PTCH2: variants seen among roughly 807,000 people sequenced by gnomAD.
The protein encoded by PTCH2 is protein patched homolog 2.
Under a neutral mutation model 117.9 loss-of-function variants are expected in PTCH2, and 96 were observed. The ratio of observed to expected loss-of-function variants is 0.81; its 90% CI spans 0.69 to 0.96. The LOEUF (loss-of-function observed/expected upper bound fraction) is 0.96, where lower values mean the gene tolerates loss of function less well. PTCH2 is among the 50% of genes least tolerant of loss of function. The pLI, the probability that PTCH2 is intolerant of heterozygous loss-of-function variation, is 0.00. For missense variants in PTCH2, 1,379 were observed against 1,562.5 expected (o/e 0.88, Z 1.98); for synonymous variants, 615 against 660.9 (o/e 0.93, Z 1.06).
Position 44,826,541 on chromosome 1 carries a change from T to C in PTCH2, c.2923A>G (p.Thr975Ala). The change falls in exon 18 of 22, where the codon ACT (threonine) becomes GCT (alanine). Residue 975 changes from threonine (T) to alanine (A), a missense_variant. Transcript: ENST00000372192. This position sits in a 1 kb window ranked among gnomAD's most constrained non-coding sequence, Gnocchi z 5.1. ...AGCAGCAGAGCACAGACGAGGAAAG[T>C]GCACACCAGCAGGATGCAGACGGCC... is the stretch of plus-strand genomic sequence containing the variant. ...LLAVCILLVCTFLVCALLLLN... is the reference protein window; with the variant it reads ...LLAVCILLVCAFLVCALLLLN... The C allele has an allele frequency of 1.2e-6, 2 of 1,613,578 alleles. No individual in the cohort carries two copies. The highest frequency in any genetic ancestry group is 1.1e-5 in the South Asian group (1 of 91,068).
At chr1:44,822,947 G>C in intron 21 of PTCH2, 122 bp downstream of exon 21, 1 of 1,155,154 alleles carries the variant, frequency 8.7e-7, no homozygotes, top group Non-Finnish European at 1.3e-6. Context: ...GCCACCTTCA[G>C]CTGGTGGCAC....
At chr1:44,842,184 A>AG (rs1653976418) in intron 1 of PTCH2, 145 bp from the exon 2 acceptor site, 1 of 749,972 alleles carries the variant, frequency 1.3e-6, no homozygotes, top group African/African-American at 1.7e-5. Context: ...ACACAGGCCC[A>AG]GACTTGGAAG....
Position 44,828,362 on chromosome 1 carries a change from G to A in PTCH2, c.1643C>T (p.Ala548Val), listed in dbSNP as rs777688919. ...CCGCCGTAGGTCCAGGCTGAGGATG[G>A]CTGGGAAGACAAGCATCACGGCTAC... is the stretch of plus-strand genomic sequence containing the variant. ...TFVAVMLVFPAILSLDLRRRH... is the reference protein window; with the variant it reads ...TFVAVMLVFPVILSLDLRRRH... The change falls in exon 13 of 22, where the codon GCC becomes GTC. Residue 548 changes from alanine (A) to valine (V), a missense_variant. Coordinates refer to ENST00000372192, the MANE Select transcript of PTCH2 (RefSeq NM_003738.5). 1 of 1,614,194 alleles carries A rather than the reference G, an allele frequency of 6.2e-7. No individual in the cohort carries two copies.
chr1:44,839,974 G>A (rs1031819629), intron 2 of PTCH2, among the ~76,000 whole-genome samples: 1 of 152,062 alleles, frequency 6.6e-6, no homozygotes, highest in African/African-American at 2.4e-5. Flanking sequence ...CTGCCTTTGG[G>A]TATGGGCCAG....
Position 44,827,336 on chromosome 1 carries a change from T to A in PTCH2, c.2372-27A>T, listed in dbSNP as rs748331674. 4 of 1,613,666 alleles carry A rather than the reference T, an allele frequency of 2.5e-6. No individual in the cohort carries two copies. The South Asian group carries it at 4.4e-5, about 18-fold the overall frequency. On this transcript the variant is annotated intron_variant, in intron 15 of 21. Coordinates refer to ENST00000372192, the MANE Select transcript of PTCH2 (RefSeq NM_003738.5). ...TGGGGGAGACCAGGATAGGGTTCTA[T>A]TAGCTGGTGGCCCCAGGGCGTTTCT... is the stretch of plus-strand genomic sequence containing the variant.
At chr1:44,821,875 T>C (rs188202323), downstream of PTCH2, 51 of 1,365,606 alleles carry the variant, frequency 3.7e-5, no homozygotes, top group African/African-American at 7.2e-4. Flanking sequence ...CTCCTTCCAA[T>C]AGCTAATGTT....
At chr1:44,840,706 C>T (rs1343089610) in intron 2 of PTCH2, among the ~76,000 whole-genome samples, 1 of 151,078 alleles carries the variant, frequency 6.6e-6, no homozygotes, top group Non-Finnish European at 1.5e-5. Flanking sequence ...GAGTGAGACT[C>T]TGTCTCAAAA....
Position 44,823,109 on chromosome 1 carries a change from A to G in PTCH2, c.3317T>C (p.Leu1106Pro). ...CAGGATGGACAGCAGCACAGGCAGCAGCACGAGTCCATGGAGGAGGCCCAG... is the reference window on the plus strand; with the variant it reads ...CAGGATGGACAGCAGCACAGGCAGCGGCACGAGTCCATGGAGGAGGCCCAG... Reference protein sequence around the residue: ...TLLGLLHGLVLLPVLLSILGP... With the variant: ...TLLGLLHGLVPLPVLLSILGP... Residue 1106 changes from leucine to proline, a missense_variant, in exon 21 of 22, where the codon CTG becomes CCG. By Grantham distance (98) the Leu-to-Pro change is moderately conservative. Transcript: ENST00000372192. This position sits in a 1 kb window ranked among gnomAD's most constrained non-coding sequence, Gnocchi z 5.1. 6.2e-7 allele frequency: 1 copy of G among 1,613,928 alleles called. No individual in the cohort carries two copies.
chr1:44,826,029 A>T lies in PTCH2; in HGVS notation c.3114+221T>A, dbSNP rs2148873539. On this transcript the variant is annotated intron_variant, in intron 19 of 21. Transcript: ENST00000372192. This position sits in a 1 kb window ranked among gnomAD's most constrained non-coding sequence, Gnocchi z 5.1. ...CTGGCTAATTTTTTGTATTTTTAGT[A>T]AAGACAGGGTTTCACCATGTTGGCC... 6.6e-6 allele frequency among the ~76,000 whole-genome samples: 1 copy of T among 151,512 alleles called. No homozygotes were observed. The highest frequency in any genetic ancestry group is 2.1e-4 in the South Asian group (1 of 4,784).
At chr1:44,834,451 C>A (rs1349753149) in intron 2 of PTCH2, among the ~76,000 whole-genome samples, 1 of 152,124 alleles carries the variant, frequency 6.6e-6, no homozygotes. Flanking sequence ...CCCTACTCCC[C>A]ACTCTTTTGC....
downstream of PTCH2, chr1:44,821,840 AC>A: frequency 7.3e-7 from 1 of 1,364,726 alleles, no homozygotes; most frequent in Non-Finnish European, 9.8e-7. Flanking sequence ...AGAAGCTAAT[AC>A]CTCAGGTCCT....
Position 44,832,183 on chromosome 1 carries a change from C to T in PTCH2, c.424G>A (p.Ala142Thr), listed in dbSNP as rs1156517220. The T allele has an allele frequency of 6.2e-7, 1 of 1,614,160 alleles. No individual in the cohort carries two copies. Among genetic ancestry groups the T allele is most frequent in the Non-Finnish European group, 8.5e-7 (1 of 1,180,024 alleles). The stretch of plus-strand genomic sequence containing the variant: ...TAGAGTGATACTTGGACTTTACTGG[C>T]AGTGAGGGCTGCCTGGAGGTGGAGG... Reference protein sequence around the residue: ...LGLHLQAALTASKVQVSLYGK... With the variant: ...LGLHLQAALTTSKVQVSLYGK... The change falls in exon 3 of 22, where the codon GCC becomes ACC. Residue 142 changes from alanine to threonine, a missense_variant. Ala to Thr is a moderately conservative substitution (Grantham distance 58, BLOSUM62 0). Transcript: ENST00000372192.
rs11573575 is a variant in PTCH2 at position 44,831,527 on chromosome 1, G to C, written c.617+179C>G. Reference sequence around the variant, plus strand: ...AATAAGTCAGGTCTTCCTTCCTTGAGAGGGAAAGAGAAGGAGGATGTGGAG... The same window carrying C: ...AATAAGTCAGGTCTTCCTTCCTTGACAGGGAAAGAGAAGGAGGATGTGGAG... On this transcript the variant is annotated intron_variant, in intron 5 of 21. Transcript: ENST00000372192. The surrounding 1 kb of genome is among the most constrained non-coding windows in gnomAD (Gnocchi z 4.3). Among the ~76,000 whole-genome samples the C allele has an allele frequency of 2.1e-4, 32 of 152,340 alleles. No individual in the cohort carries two copies. In the South Asian group the frequency reaches 6.6e-3, roughly 32 times the overall value.
In PTCH2 at chr1:44,826,104, C is replaced by A; in HGVS notation, c.3114+146G>T. The A allele has an allele frequency of 8.7e-7, 1 of 1,147,826 alleles. No individual in the cohort carries two copies. Among genetic ancestry groups the A allele is most frequent in the Non-Finnish European group, 1.3e-6 (1 of 799,648 alleles). 71.1% of individuals were successfully genotyped at this position (1,147,826 alleles called of 1,614,324 possible). On this transcript the variant is annotated intron_variant, in intron 19 of 21. Coordinates refer to ENST00000372192, the MANE Select transcript of PTCH2 (RefSeq NM_003738.5). The surrounding 1 kb of genome is among the most constrained non-coding windows in gnomAD (Gnocchi z 5.1). ...CAGGTGATCCACCTGCCTCGGCCTC[C>A]CAAAGTGCTGGGATTACAGGAATGA...
At chr1:44,825,035 C>T (rs568772563) in intron 19 of PTCH2, among the ~76,000 whole-genome samples, 61 of 152,224 alleles carry the variant, frequency 4.0e-4, no homozygotes, top group Non-Finnish European at 7.9e-4. Flanking sequence ...TTCTCATCTT[C>T]CATTCTGTCT....
chr1:44,829,656 C>T lies in PTCH2; in HGVS notation c.1041G>A (p.Gln347=), dbSNP rs1557646065. The part of the protein sequence containing the change: ...QTHDIGWSEE[Q]ASTVLQAWQR... ...GCCAGGCTTGTAGCACTGTGCTGGC[C>T]TGCTCCTCACTCCAGCCAATGTCAT... is the stretch of plus-strand genomic sequence containing the variant. The change falls in exon 8 of 22, where the codon CAG becomes CAA. Residue 347 remains glutamine, a synonymous_variant. Transcript: ENST00000372192. The T allele has an allele frequency of 6.2e-7, 1 of 1,614,200 alleles. No homozygotes were observed. The highest frequency in any genetic ancestry group is 8.5e-7 in the Non-Finnish European group (1 of 1,180,048).
chr1:44,841,879 A>G lies in PTCH2; in HGVS notation c.233T>C (p.Ile78Thr), dbSNP rs749275900. Reference sequence around the variant, plus strand: ...CCAGAGCTGTTCCAAGTTTGTCTCAATAATGGCCATGCGGAGACCTAATGC... The same window carrying G: ...CCAGAGCTGTTCCAAGTTTGTCTCAGTAATGGCCATGCGGAGACCTAATGC... ...ALALGLRMAI[I>T]ETNLEQLWVE... is the part of the protein sequence containing the mutation. Residue 78 changes from isoleucine to threonine, a missense_variant, in exon 2 of 22, where the codon ATT (isoleucine) becomes ACT (threonine). Ile to Thr is a moderately conservative substitution (Grantham distance 89). Transcript: ENST00000372192. The G allele has an allele frequency of 1.4e-5, 22 of 1,614,202 alleles. No individual in the cohort carries two copies. Among genetic ancestry groups the G allele is most frequent in the Admixed American group, 3.3e-5 (2 of 60,028 alleles).
rs1436891986 is a variant in PTCH2 at position 44,831,740 on chromosome 1, C to T, written c.583G>A (p.Gly195Arg). The change falls in exon 5 of 22, where the codon GGA becomes AGA. Residue 195 changes from glycine to arginine, a missense_variant. By Grantham distance (125) the Gly-to-Arg change is moderately radical (BLOSUM62 -2). Transcript: ENST00000372192. This position sits in a 1 kb window ranked among gnomAD's most constrained non-coding sequence, Gnocchi z 4.3. The part of the protein sequence containing the change: ...ILTPLDCFWE[G>R]AKLQGGSAYL... ...GCGGAGCCCCCTTGGAGTTTGGCTC[C>T]CTCCCAGAAGCAGTCGAGGGGGGTG... 2 of 1,573,936 alleles carry T rather than the reference C, an allele frequency of 1.3e-6. No homozygotes were observed. The highest frequency in any genetic ancestry group is 1.7e-6 in the Non-Finnish European group (2 of 1,159,720).
chr1:44,822,137 C>CA lies in PTCH2; in HGVS notation c.*277dup. 7.1e-7 allele frequency: 1 copy of CA among 1,406,778 alleles called. No individual in the cohort carries two copies. Among genetic ancestry groups the CA allele is most frequent in the South Asian group, 1.5e-5 (1 of 66,524 alleles). The allele number at this position is 1,406,778 out of a possible 1,614,324, so 87.1% of individuals were successfully genotyped here. A position where few individuals can be genotyped will look rare whatever the true frequency, so the allele number is the denominator to read the frequency against. On this transcript the variant is annotated 3_prime_UTR_variant, in exon 22 of 22. Transcript: ENST00000372192. ...CCTCAGGCTTGGTCAGCTGGGCAGG[C>CA]AGTGGTGTGGGGTGGGAAGGGGGAC...
Sources: allele counts gnomAD v4.1 joint callset (sites outside exome capture counted in the v4.1 genomes callset), GRCh38; gene constraint gnomAD v4.1.1; non-coding constraint Gnocchi (gnomAD v3.1); transcripts MANE v1.5; gene names NCBI Gene and HGNC (gene_info 2026-07-23, HGNC 2026-07-21).